Variants in NRG1 observed in about 807,000 individuals in gnomAD.
NRG1 encodes the protein neuregulin 1, also known as pro-neuregulin-1, membrane-bound isoform.
In NRG1, 18 loss-of-function variants were observed where a neutral mutation model predicts 63.8. That is an observed-to-expected ratio of 0.28 (90% CI 0.19 to 0.42). The LOEUF is 0.42. Ranked by LOEUF, NRG1 falls within the 10% of genes least tolerant of loss-of-function variation. NRG1 has a pLI of 1.00. For missense variants in NRG1, 762 were observed against 814.7 expected (o/e 0.94, Z 0.79); for synonymous variants, 302 against 301.3 (o/e 1.00, Z -0.02).
intron 1 of NRG1, among the ~76,000 whole-genome samples, chr8:31,746,507 A>G (rs138509413): frequency 1.3e-5 from 2 of 152,066 alleles, no homozygotes; most frequent in African/African-American, 2.4e-5. Context: ...CTTACCATTG[A>G]TTTATTGGAA....
intron 1 of NRG1, among the ~76,000 whole-genome samples, chr8:32,207,598 A>G (rs1211094340): frequency 6.6e-6 from 1 of 152,220 alleles, no homozygotes; most frequent in Non-Finnish European, 1.5e-5. Context: ...ATGAAATTTG[A>G]TTAAATCTAG....
intron 1 of NRG1, among the ~76,000 whole-genome samples, chr8:32,107,880 A>G (rs1490316446): frequency 6.6e-6 from 1 of 152,098 alleles, no homozygotes; most frequent in Non-Finnish European, 1.5e-5. Flanking sequence ...TTTTTAAAAA[A>G]CTTATTGATC....
intron 1 of NRG1, among the ~76,000 whole-genome samples, chr8:32,089,919 A>G (rs1445606829): frequency 6.6e-6 from 1 of 152,214 alleles, no homozygotes; most frequent in Non-Finnish European, 1.5e-5. Flanking sequence ...AAGTAATGTC[A>G]TTCTGTTTCT....
intron 6 of NRG1, among the ~76,000 whole-genome samples, chr8:32,732,662 A>G (rs568745402): frequency 7.9e-5 from 12 of 152,282 alleles, no homozygotes; most frequent in Non-Finnish European, 1.6e-4. Context: ...CATTTCTGCT[A>G]AAGTACTTTT....
At chr8:32,082,747 A>C (rs1225068607) in intron 1 of NRG1, among the ~76,000 whole-genome samples, 1 of 152,174 alleles carries the variant, frequency 6.6e-6, no homozygotes, top group Non-Finnish European at 1.5e-5. Flanking sequence ...AACAGATAGT[A>C]GAATAGAATA....
chr8:31,733,510 T>G (rs1164760160), intron 1 of NRG1, among the ~76,000 whole-genome samples: 1 of 152,214 alleles, frequency 6.6e-6, no homozygotes, highest in Non-Finnish European at 1.5e-5. Flanking sequence ...TACAGTTTGG[T>G]GTAGTTCACT....
At chr8:32,462,745 A>G (rs1158989282) in intron 1 of NRG1, among the ~76,000 whole-genome samples, 1 of 151,792 alleles carries the variant, frequency 6.6e-6, no homozygotes, top group Non-Finnish European at 1.5e-5. Context: ...CTGGGATTAC[A>G]GGCATGCACC....
chr8:31,646,704 G>A (rs4733266), intron 1 of NRG1, among the ~76,000 whole-genome samples: 151,050 of 152,340 alleles, frequency 0.99, 74,902 homozygotes, highest in Middle Eastern at 1. Context: ...AATTCCTGTT[G>A]AATAATTAAT....
chr8:32,019,223 C>T (rs763728772), intron 1 of NRG1, among the ~76,000 whole-genome samples: 8 of 152,148 alleles, frequency 5.3e-5, no homozygotes, highest in Non-Finnish European at 1.0e-4. Flanking sequence ...CTCAGCCTCC[C>T]GAGTAGCTGG....
chr8:31,699,064 G>A (rs1350927567), intron 1 of NRG1, among the ~76,000 whole-genome samples: 3 of 152,174 alleles, frequency 2.0e-5, no homozygotes, highest in African/African-American at 7.2e-5. Context: ...TAGGGTATGA[G>A]TGATTAAATA....
At position 32,699,071 on chromosome 8, in the gene NRG1, T is replaced by A. The variant is rs150110716; in HGVS notation, c.503-28878T>A. 1.3e-3 allele frequency among the ~76,000 whole-genome samples: 205 copies of A among 152,354 alleles called. 1 individual carries two copies. Among genetic ancestry groups the A allele is most frequent in the African/African-American group, 4.7e-3 (195 of 41,586 alleles). ...GACCTTAAAGCTAACCCAAAGTTAT[T>A]TTGCCACATATACTTAGGTGTCTTA... is the stretch of plus-strand genomic sequence containing the variant. On this transcript the variant is annotated intron_variant, in intron 5 of 11. Coordinates refer to ENST00000356819, the Ensembl canonical transcript of NRG1.
chr8:32,184,092 GT>G (rs1177598842), intron 1 of NRG1, among the ~76,000 whole-genome samples: 44 of 12,698 alleles, frequency 3.5e-3, no homozygotes, highest in African/African-American at 0.027. Flanking sequence ...ATATATGTAT[GT>G]GTGTGTGTGT....
At chr8:32,476,621 T>C (rs1824551672) in intron 1 of NRG1, among the ~76,000 whole-genome samples, 1 of 152,190 alleles carries the variant, frequency 6.6e-6, no homozygotes. Flanking sequence ...ATATGTTGGG[T>C]AGAACAGACT....
chr8:32,098,999 T>C (rs1173730016), intron 1 of NRG1, among the ~76,000 whole-genome samples: 1 of 152,128 alleles, frequency 6.6e-6, no homozygotes. Context: ...CTGGGGCCAG[T>C]GGCACAGGAG....
chr8:32,495,374 C>T (rs188385300), intron 1 of NRG1, among the ~76,000 whole-genome samples: 52 of 152,314 alleles, frequency 3.4e-4, no homozygotes, highest in African/African-American at 1.1e-3. Flanking sequence ...TTGCCTTCCA[C>T]CATGATTGTG....
intron 5 of NRG1, among the ~76,000 whole-genome samples, chr8:32,650,655 CAAAAAAAAAAA>C (rs59103241): frequency 5.2e-5 from 3 of 57,820 alleles, no homozygotes; most frequent in South Asian, 9.5e-4. Flanking sequence ...TAATGGAAAG[CAAAAAAAAAAA>C]AAAAAAAAAA....
chr8:32,653,678 C>T (rs1295620247), intron 5 of NRG1, among the ~76,000 whole-genome samples: 1 of 152,150 alleles, frequency 6.6e-6, no homozygotes, highest in Non-Finnish European at 1.5e-5. Context: ...GAGTTGGTAG[C>T]TGTAAATATT....
rs149569316 is a variant in NRG1 at position 32,641,072 on chromosome 8, T to C, written c.502+24187T>C. Among the ~76,000 whole-genome samples the C allele has an allele frequency of 7.7e-3, 1,169 of 151,860 alleles. 6 individuals are homozygous for C. The highest frequency in any genetic ancestry group is 0.014 in the Middle Eastern group (4 of 286). On this transcript the variant is annotated intron_variant, in intron 5 of 11. Coordinates refer to ENST00000356819, the Ensembl canonical transcript of NRG1. The stretch of plus-strand genomic sequence containing the variant: ...GTGGGAGGATTGCTTGAGCCCAGGA[T>C]ATCAAGGCTGCAGTGACTAGGATTG...
intron 1 of NRG1, among the ~76,000 whole-genome samples, chr8:32,201,584 A>G (rs1378835135): frequency 6.6e-6 from 1 of 152,238 alleles, no homozygotes; most frequent in African/African-American, 2.4e-5. Context: ...TTACTTACAC[A>G]TGAAATGATT....
Sources: gnomAD v4.1 joint callset for allele counts (sites outside exome capture counted in the v4.1 genomes callset) on GRCh38, gnomAD v4.1.1 for gene constraint, MANE v1.5 for transcripts, NCBI Gene and HGNC (gene_info 2026-07-23, HGNC 2026-07-21) for gene names.